The following CLTCL1 variants were observed in gnomAD, a reference collection of about 807,000 sequenced individuals.
CLTCL1 encodes the protein clathrin heavy chain 2.
A neutral mutation model predicts 190.0 loss-of-function variants in CLTCL1; 159 were observed. That is an observed-to-expected ratio of 0.84 (90% CI 0.74 to 0.95). CLTCL1 has a LOEUF of 0.95. CLTCL1 is among the 40% of genes least tolerant of loss of function. The pLI is 0.00. For missense variants in CLTCL1, 1,878 were observed against 2,033.4 expected, an observed-to-expected ratio of 0.92 and a Z score of 1.47; for synonymous variants, 752 against 769.6, an observed-to-expected ratio of 0.98 and a Z score of 0.38.
At chr22:19,249,615 G>A (rs1273101604) in intron 3 of CLTCL1, among the ~76,000 whole-genome samples, 1 of 151,792 alleles carries the variant, frequency 6.6e-6, no homozygotes, top group African/African-American at 2.4e-5. Flanking sequence ...AGAATCACTT[G>A]AACCCAGGAG....
intron 1 of CLTCL1, among the ~76,000 whole-genome samples, chr22:19,284,858 G>A (rs1245277944): frequency 6.6e-6 from 1 of 152,028 alleles, no homozygotes; most frequent in African/African-American, 2.4e-5. Context: ...GGAGGCTGAA[G>A]CCAGGAGAAT....
In CLTCL1 at chr22:19,221,421, A is replaced by C. The variant is rs782224125; in HGVS notation, c.2752T>G (p.Cys918Gly). ...CACTGCCCCCGCTCATAGGCAACAC[A>C]GGCCAGATGGGGGTCTCGCTTCTCA... ...YCEKRDPHLA[C>G]VAYERGQCDL... The change falls in exon 17 of 33, where the codon TGT becomes GGT. Residue 918 changes from cysteine to glycine, a missense_variant. Physicochemically the swap from Cys to Gly is radical, Grantham distance 159. Coordinates refer to ENST00000427926, the MANE Select transcript of CLTCL1 (RefSeq NM_007098.4). 6 of 1,561,032 alleles carry C rather than the reference A, an allele frequency of 3.8e-6. No homozygotes were observed. The highest frequency in any genetic ancestry group is 5.2e-6 in the Non-Finnish European group (6 of 1,152,186).
intron 1 of CLTCL1, among the ~76,000 whole-genome samples, chr22:19,289,638 A>C (rs7284652): frequency 0.034 from 5,242 of 152,254 alleles, 323 homozygotes; most frequent in African/African-American, 0.12. Context: ...ATTGCCCAAC[A>C]CAAACAGGAA....
intron 15 of CLTCL1, 114 bp from the exon 16 acceptor site, chr22:19,222,207 G>A: frequency 1.9e-6 from 2 of 1,040,104 alleles, no homozygotes; most frequent in South Asian, 3.0e-5. Context: ...GTTTAGCACT[G>A]CGCTGTGTCC....
At chr22:19,251,878 C>T (rs1433779678) in intron 3 of CLTCL1, among the ~76,000 whole-genome samples, 1 of 152,202 alleles carries the variant, frequency 6.6e-6, no homozygotes, top group East Asian at 1.9e-4. Context: ...TGGGGGAAAG[C>T]TTTCAGTTTT....
At chr22:19,239,196 A>T in intron 5 of CLTCL1, 79 bp downstream of exon 5, 3 of 1,121,316 alleles carry the variant, frequency 2.7e-6, no homozygotes, top group Non-Finnish European at 4.1e-6. Context: ...CAGACTAAAA[A>T]TGGCAGCCTC....
Position 19,225,444 on chromosome 22 carries a change from A to G in CLTCL1, c.2128+9T>C. The stretch of plus-strand genomic sequence containing the variant: ...CATGGTGGGGTCGGCGAGAGGCTGC[A>G]TGGTTTACCTTTGTAACTCTTGAAG... On this transcript the variant is annotated intron_variant, in intron 13 of 32. Transcript: ENST00000427926. 1 of 1,566,062 alleles carries G rather than the reference A, an allele frequency of 6.4e-7. No homozygotes were observed.
intron 5 of CLTCL1, among the ~76,000 whole-genome samples, chr22:19,236,906 T>C (rs1270508644): frequency 1.3e-5 from 2 of 152,176 alleles, no homozygotes; most frequent in Non-Finnish European, 2.9e-5. Flanking sequence ...AAGAACTGAA[T>C]TTCTATCTTA....
chr22:19,249,956 T>G (rs1329654859), intron 3 of CLTCL1: 7 of 417,734 alleles, frequency 1.7e-5, no homozygotes, highest in Non-Finnish European at 2.9e-5. Context: ...TTATTAAAGG[T>G]GAATACAAAT....
rs568391126 is a variant in CLTCL1 at position 19,234,973 on chromosome 22, G to T, written c.970-267C>A. ...GCGCTACAGCAAAATGACCTATGTGGATGGAACTGACAATTTTTCTTCTTA... is the reference window on the plus strand; with the variant it reads ...GCGCTACAGCAAAATGACCTATGTGTATGGAACTGACAATTTTTCTTCTTA... On this transcript the variant is annotated intron_variant, in intron 6 of 32. Coordinates refer to ENST00000427926, the MANE Select transcript of CLTCL1 (RefSeq NM_007098.4). Among the ~76,000 whole-genome samples the T allele has an allele frequency of 6.6e-5, 10 of 152,314 alleles. No homozygotes were observed. In the South Asian group the frequency reaches 2.1e-3, roughly 32 times the overall value.
chr22:19,230,410 CA>C (rs1555958431), intron 10 of CLTCL1, among the ~76,000 whole-genome samples: 1 of 152,052 alleles, frequency 6.6e-6, no homozygotes, highest in Non-Finnish European at 1.5e-5. Flanking sequence ...GGCCCCTTTC[CA>C]TTTTCTTCTG....
At chr22:19,226,457 C>G in intron 11 of CLTCL1, 74 bp from the exon 12 acceptor site, 1 of 1,564,612 alleles carries the variant, frequency 6.4e-7, no homozygotes, top group Non-Finnish European at 8.7e-7. Context: ...CTCAATCTTG[C>G]CCCAGGGTAG....
chr22:19,186,738 T>C (rs1445180773), intron 29 of CLTCL1, among the ~76,000 whole-genome samples: 4 of 151,980 alleles, frequency 2.6e-5, no homozygotes, highest in Non-Finnish European at 5.9e-5. Flanking sequence ...GTAGCTGGGA[T>C]TGCAGGAGTG....
Position 19,269,039 on chromosome 22 carries a change from G to A in CLTCL1, c.250+6584C>T, listed in dbSNP as rs1174232788. On this transcript the variant is annotated intron_variant, in intron 2 of 32. Coordinates refer to ENST00000427926, the MANE Select transcript of CLTCL1 (RefSeq NM_007098.4). ...CAGGAGGCAGAGGCTGCAGTGAGCC[G>A]CGATAGCGCCACTGCACTCCAGCCT... Among the ~76,000 whole-genome samples, 6 of 146,834 alleles carry A rather than the reference G, an allele frequency of 4.1e-5. No homozygotes were observed. The East Asian group carries it at 8.0e-4, about 20-fold the overall frequency.
At chr22:19,291,363 C>T (rs2088113958) in intron 1 of CLTCL1, among the ~76,000 whole-genome samples, 2 of 152,180 alleles carry the variant, frequency 1.3e-5, no homozygotes, top group African/African-American at 4.8e-5. Context: ...GCTTCCACCC[C>T]CACCATTCCC....
At position 19,191,347 on chromosome 22, in the gene CLTCL1, G is replaced by A. The variant is rs781885442; in HGVS notation, c.4280C>T (p.Ser1427Leu). 2 of 1,614,020 alleles carry A rather than the reference G, an allele frequency of 1.2e-6. No homozygotes were observed. Reference sequence around the variant, plus strand: ...TGTCCAGGTGTGGTCCAGCCGGGGTGAAAGCACCAGCAGCAGGTCATTGAT... The same window carrying A: ...TGTCCAGGTGTGGTCCAGCCGGGGTAAAAGCACCAGCAGCAGGTCATTGAT... ...LLINDLLLVL[S>L]PRLDHTWTVS... Residue 1427 changes from serine to leucine, a missense_variant, in exon 27 of 33, where the codon TCA becomes TTA. Coordinates refer to ENST00000427926, the MANE Select transcript of CLTCL1 (RefSeq NM_007098.4).
chr22:19,184,108 T>C (rs780889727), intron 29 of CLTCL1: 5 of 250,868 alleles, frequency 2.0e-5, no homozygotes, highest in Non-Finnish European at 4.0e-5. Context: ...GACAATATCA[T>C]TGACAAAATA....
chr22:19,224,169 CT>C (rs2085666423), intron 13 of CLTCL1, 115 bp from the exon 14 acceptor site: 1 of 986,810 alleles, frequency 1.0e-6, no homozygotes, highest in Non-Finnish European at 1.5e-6. Flanking sequence ...CCACAGCACA[CT>C]CAGAACTCAT....
intron 19 of CLTCL1, among the ~76,000 whole-genome samples, chr22:19,214,199 G>GT (rs1402691606): frequency 2.0e-5 from 3 of 152,284 alleles, no homozygotes; most frequent in Middle Eastern, 3.4e-3. Context: ...GTTTCCAAAT[G>GT]TAACGCACAT....
Sources: allele counts gnomAD v4.1 joint callset (sites outside exome capture counted in the v4.1 genomes callset), GRCh38; gene constraint gnomAD v4.1.1; transcripts MANE v1.5; gene names NCBI Gene and HGNC (gene_info 2026-07-23, HGNC 2026-07-21).